The following MINDY3 variants were observed in gnomAD, a reference collection of about 807,000 sequenced individuals.
MINDY3 encodes the protein ubiquitin carboxyl-terminal hydrolase MINDY-3.
A neutral mutation model predicts 69.2 loss-of-function variants in MINDY3; 38 were observed. The ratio of observed to expected loss-of-function variants is 0.55; its 90% CI spans 0.42 to 0.72. The LOEUF (loss-of-function observed/expected upper bound fraction) is 0.72. Ranked by LOEUF, MINDY3 falls within the 30% of genes least tolerant of loss-of-function variation. The pLI, the probability that MINDY3 is intolerant of heterozygous loss-of-function variation, is 0.00. For missense variants in MINDY3, 522 were observed against 519.0 expected, an observed-to-expected ratio of 1.01 and a Z score of -0.06; for synonymous variants, 192 against 180.1, an observed-to-expected ratio of 1.07 and a Z score of -0.53.
intron 10 of MINDY3, among the ~76,000 whole-genome samples, chr10:15,813,319 T>C (rs1302653321): frequency 6.6e-6 from 1 of 152,200 alleles, no homozygotes; most frequent in Non-Finnish European, 1.5e-5. Context: ...TCTGTCCTTC[T>C]TTCTTCAGGC....
intron 6 of MINDY3, among the ~76,000 whole-genome samples, chr10:15,835,031 T>A (rs1012917422): frequency 2.0e-4 from 30 of 152,072 alleles, no homozygotes; most frequent in African/African-American, 7.0e-4. Context: ...TGAATATCGA[T>A]AGAGATATAA....
At chr10:15,819,750 G>C (rs1839628022) in intron 9 of MINDY3, among the ~76,000 whole-genome samples, 1 of 152,172 alleles carries the variant, frequency 6.6e-6, no homozygotes, top group Admixed American at 6.5e-5. Context: ...AAGTGTTAGT[G>C]TGTTTTGTTG....
intron 1 of MINDY3, among the ~76,000 whole-genome samples, chr10:15,848,249 T>C (rs1469873126): frequency 3.9e-5 from 6 of 152,212 alleles, no homozygotes; most frequent in East Asian, 1.9e-4. Flanking sequence ...GAGGACTAGA[T>C]AGTCTACTAA....
At chr10:15,837,721 A>C in intron 5 of MINDY3, 1 of 1,062,528 alleles carries the variant, frequency 9.4e-7, no homozygotes, top group Non-Finnish European at 1.1e-6. Flanking sequence ...AAGATAACTT[A>C]CACATTTGCG....
rs1220278987 is a variant in MINDY3 at position 15,847,860 on chromosome 10, T to A, written c.174+4A>T. ...TAAGGAGTTGGTAAAGGAGTCTATGTTACCTGAACAGGTGCAATAACAGCA... is the reference window on the plus strand; with the variant it reads ...TAAGGAGTTGGTAAAGGAGTCTATGATACCTGAACAGGTGCAATAACAGCA... On this transcript the variant is annotated splice_donor_region_variant and intron_variant, in intron 2 of 14. Transcript: ENST00000277632. The A allele has an allele frequency of 5.0e-6, 8 of 1,611,350 alleles. No individual in the cohort carries two copies. The highest frequency in any genetic ancestry group is 6.8e-6 in the Non-Finnish European group (8 of 1,177,604).
At chr10:15,788,680 G>A (rs1837170461) in intron 12 of MINDY3, 1 of 152,172 alleles carries the variant, frequency 6.6e-6, no homozygotes, top group Non-Finnish European at 1.5e-5. Flanking sequence ...AGAGGAAGTT[G>A]TAGATGTAAC....
chr10:15,848,527 G>A (rs747704806), intron 1 of MINDY3, among the ~76,000 whole-genome samples: 6 of 150,960 alleles, frequency 4.0e-5, no homozygotes, highest in East Asian at 2.0e-4. Context: ...CCAGCTACTC[G>A]GGAGGCTGAG....
intron 8 of MINDY3, among the ~76,000 whole-genome samples, chr10:15,833,376 A>C (rs902993039): frequency 6.6e-6 from 1 of 152,226 alleles, no homozygotes; most frequent in Non-Finnish European, 1.5e-5. Context: ...TCCCAGTTTT[A>C]TACCACAGAA....
At chr10:15,806,299 A>C (rs557683974) in intron 10 of MINDY3, among the ~76,000 whole-genome samples, 186 of 152,252 alleles carry the variant, frequency 1.2e-3, no homozygotes, top group African/African-American at 4.4e-3. Flanking sequence ...TAAGCTGCAC[A>C]TGGAGGAATC....
intron 9 of MINDY3, among the ~76,000 whole-genome samples, chr10:15,818,815 G>C (rs991202785): frequency 6.6e-6 from 1 of 152,142 alleles, no homozygotes; most frequent in African/African-American, 2.4e-5. Flanking sequence ...CAAGAGTAGT[G>C]GTTTCCAGGG....
intron 8 of MINDY3, among the ~76,000 whole-genome samples, chr10:15,823,059 T>C (rs974066958): frequency 6.6e-6 from 1 of 152,158 alleles, no homozygotes; most frequent in South Asian, 2.1e-4. Context: ...ATGAATGTAG[T>C]AAGAATATTA....
intron 14 of MINDY3, 116 bp from the exon 15 acceptor site, chr10:15,779,257 C>A: frequency 1.3e-6 from 1 of 756,310 alleles, no homozygotes; most frequent in Non-Finnish European, 1.9e-6. Context: ...TCAGATGAAA[C>A]TTGACATGTA....
Position 15,860,452 on chromosome 10 carries a change from G to C in MINDY3, c.-153C>G, listed in dbSNP as rs1485996951. 6 of 681,188 alleles carry C rather than the reference G, an allele frequency of 8.8e-6. No individual in the cohort carries two copies. The highest frequency in any genetic ancestry group is 1.6e-5 in the Non-Finnish European group (6 of 384,152). 42.2% of individuals were successfully genotyped at this position (681,188 alleles called of 1,614,324 possible). Reference sequence around the variant, plus strand: ...AAGAAGGGGCTGAGAGCCACTTGCAGAGACCAAGCCTGTCAAGCCAGGTTG... The same window carrying C: ...AAGAAGGGGCTGAGAGCCACTTGCACAGACCAAGCCTGTCAAGCCAGGTTG... On this transcript the variant is annotated 5_prime_UTR_variant, in exon 1 of 15. Coordinates refer to ENST00000277632, the MANE Select transcript of MINDY3 (RefSeq NM_024948.4).
At chr10:15,847,075 A>G (rs2132113395) in intron 2 of MINDY3, among the ~76,000 whole-genome samples, 1 of 152,256 alleles carries the variant, frequency 6.6e-6, no homozygotes, top group Middle Eastern at 3.4e-3. Flanking sequence ...AAATATATAT[A>G]TTTTCAAAAC....
At position 15,785,166 on chromosome 10, in the gene MINDY3, C is replaced by G. The variant is rs144579480; in HGVS notation, c.1116+1395G>C. Reference sequence around the variant, plus strand: ...AGCAGGATCACATGCTCGTGGGAGGCAAACAGCATGAACTATACAGACAAT... The same window carrying G: ...AGCAGGATCACATGCTCGTGGGAGGGAAACAGCATGAACTATACAGACAAT... On this transcript the variant is annotated intron_variant, in intron 13 of 14. Coordinates refer to ENST00000277632, the MANE Select transcript of MINDY3 (RefSeq NM_024948.4). Among the ~76,000 whole-genome samples, 739 of 152,110 alleles carry G rather than the reference C, an allele frequency of 4.9e-3. 10 individuals are homozygous for G. The highest frequency in any genetic ancestry group is 0.017 in the African/African-American group (702 of 41,448).
chr10:15,838,767 T>C (rs1833261213), intron 4 of MINDY3, among the ~76,000 whole-genome samples: 3 of 151,792 alleles, frequency 2.0e-5, no homozygotes, highest in Non-Finnish European at 3.0e-5. Context: ...TTAAGTTTGT[T>C]TCCTCATTTA....
intron 10 of MINDY3, among the ~76,000 whole-genome samples, chr10:15,813,978 CAA>C (rs777561427): frequency 2.1e-4 from 14 of 66,252 alleles, no homozygotes; most frequent in Non-Finnish European, 2.6e-4. Flanking sequence ...CACCAAAACT[CAA>C]AAAAAAAAAA....
intron 10 of MINDY3, among the ~76,000 whole-genome samples, chr10:15,805,513 C>G (rs369167253): frequency 2.0e-5 from 3 of 152,120 alleles, no homozygotes; most frequent in South Asian, 4.1e-4. Flanking sequence ...CCTAGTGATA[C>G]AAGGTAATCG....
chr10:15,841,295 G>A (rs1012128404), intron 4 of MINDY3, 131 bp downstream of exon 4: 3 of 693,264 alleles, frequency 4.3e-6, no homozygotes, highest in Non-Finnish European at 6.9e-6. Flanking sequence ...GTGAGGCTCA[G>A]TAATTAAGCT....
Sources: gnomAD v4.1 joint callset for allele counts (sites outside exome capture counted in the v4.1 genomes callset) on GRCh38, gnomAD v4.1.1 for gene constraint, MANE v1.5 for transcripts, NCBI Gene and HGNC (gene_info 2026-07-23, HGNC 2026-07-21) for gene names.